ARHGEF26: variants seen among roughly 807,000 people sequenced by gnomAD.
ARHGEF26 encodes Rho guanine nucleotide exchange factor (GEF) 26.
Under a neutral mutation model 89.4 loss-of-function variants are expected in ARHGEF26, and 59 were observed. That is an observed-to-expected ratio of 0.66 (90% CI 0.54 to 0.82). The LOEUF is 0.82. Among genes scored for constraint, ARHGEF26 ranks in the 40% least tolerant of loss-of-function variants. ARHGEF26 has a pLI of 0.00. For synonymous variants in ARHGEF26, 500 were observed against 428.4 expected (o/e 1.17, Z -2.06); for missense variants, 1,234 against 1,085.6 (o/e 1.14, Z -1.92).
intron 6 of ARHGEF26, among the ~76,000 whole-genome samples, chr3:154,162,381 T>G (rs1415607134): frequency 2.6e-5 from 4 of 152,224 alleles, no homozygotes; most frequent in African/African-American, 9.6e-5. Flanking sequence ...TCATAGGATG[T>G]TGCCTCTAAT....
chr3:154,166,010 G>GTAC (rs1379520093), intron 6 of ARHGEF26, among the ~76,000 whole-genome samples: 1 of 152,036 alleles, frequency 6.6e-6, no homozygotes, highest in Admixed American at 6.6e-5. Context: ...AAATCTAGCT[G>GTAC]TACATGTTGC....
intron 6 of ARHGEF26, among the ~76,000 whole-genome samples, chr3:154,177,562 A>G (rs1485151032): frequency 6.6e-6 from 1 of 152,148 alleles, no homozygotes; most frequent in East Asian, 1.9e-4. Flanking sequence ...ACAAATACAA[A>G]GATGCTTAAC....
intron 6 of ARHGEF26, among the ~76,000 whole-genome samples, chr3:154,175,757 A>ATGTTT (rs974533012): frequency 8.3e-4 from 126 of 152,158 alleles, no homozygotes; most frequent in Non-Finnish European, 6.2e-4. Flanking sequence ...TTGGCACTGT[A>ATGTTT]TGTTTTGTTT....
chr3:154,158,677 G>C (rs1711508001), intron 6 of ARHGEF26, among the ~76,000 whole-genome samples: 1 of 152,040 alleles, frequency 6.6e-6, no homozygotes, highest in Non-Finnish European at 1.5e-5. Context: ...TTAAAAGCCT[G>C]ATCATCTCAT....
At position 154,122,421 on chromosome 3, in the gene ARHGEF26, T is replaced by G. The variant is rs1238970262; in HGVS notation, c.429T>G (p.Val143=). 5.6e-6 allele frequency: 9 copies of G among 1,611,048 alleles called. No homozygotes were observed. The highest frequency in any genetic ancestry group is 7.6e-6 in the Non-Finnish European group (9 of 1,179,022). ...TGCCTGCGCCGCCGCCGCCGCCGGT[T>G]CTGCGCCCCCCGCGGACTCCTAACG... ...VTLPAPPPPP[V]LRPPRTPNAP... Residue 143 remains valine (V), a synonymous_variant, in exon 2 of 15, where the codon GTT becomes GTG. Coordinates refer to ENST00000465093, the MANE Select transcript of ARHGEF26 (RefSeq NM_015595.4).
intron 9 of ARHGEF26, among the ~76,000 whole-genome samples, chr3:154,201,920 G>A (rs1198540076): frequency 7.3e-5 from 11 of 151,070 alleles, no homozygotes. Flanking sequence ...TGTCAGATGA[G>A]TAGGTTGCGA....
chr3:154,186,188 C>T (rs1713530244), intron 6 of ARHGEF26, among the ~76,000 whole-genome samples: 1 of 150,154 alleles, frequency 6.7e-6, no homozygotes, highest in Admixed American at 6.6e-5. Context: ...TACTATTGTA[C>T]AGTCAGTGTG....
At chr3:154,224,718 A>G (rs568691080) in intron 10 of ARHGEF26, among the ~76,000 whole-genome samples, 8 of 151,596 alleles carry the variant, frequency 5.3e-5, no homozygotes, top group Non-Finnish European at 8.8e-5. Context: ...AACTTCATAA[A>G]CTCCCTTAGC....
intron 4 of ARHGEF26, among the ~76,000 whole-genome samples, chr3:154,142,015 A>C (rs917971017): frequency 6.6e-6 from 1 of 152,186 alleles, no homozygotes; most frequent in African/African-American, 2.4e-5. Flanking sequence ...AGAAGACAAT[A>C]GAAATGAAAT....
At position 154,129,719 on chromosome 3, in the gene ARHGEF26, G is replaced by C. The variant is rs762803415; in HGVS notation, c.1269G>C (p.Ala423=). 6.2e-7 allele frequency: 1 copy of C among 1,609,304 alleles called. No homozygotes were observed. Among genetic ancestry groups the C allele is most frequent in the East Asian group, 2.2e-5 (1 of 44,828 alleles). ...GATCCACATGGAGCCAACTCTCTGC[G>C]GTGAGTGTTTATCTTCTTTTCTATC... The part of the protein sequence containing the change: ...PLRSTWSQLS[A]VKRKGLSQTV... Residue 423 remains alanine, a splice_region_variant and synonymous_variant, in exon 4 of 15, where the codon GCG becomes GCC. Coordinates refer to ENST00000465093, the MANE Select transcript of ARHGEF26 (RefSeq NM_015595.4).
At chr3:154,185,647 TA>T (rs1713479317) in intron 6 of ARHGEF26, among the ~76,000 whole-genome samples, 1 of 152,178 alleles carries the variant, frequency 6.6e-6, no homozygotes, top group African/African-American at 2.4e-5. Context: ...AGTTAAGGGT[TA>T]TTGTGGAGGC....
intron 12 of ARHGEF26, among the ~76,000 whole-genome samples, chr3:154,243,953 A>C (rs1359589039): frequency 6.6e-6 from 1 of 152,114 alleles, no homozygotes; most frequent in Non-Finnish European, 1.5e-5. Flanking sequence ...TTGAGCAATT[A>C]GAGTTTTGAT....
intron 6 of ARHGEF26, among the ~76,000 whole-genome samples, chr3:154,168,503 G>A (rs537534373): frequency 6.6e-6 from 1 of 152,220 alleles, no homozygotes; most frequent in East Asian, 1.9e-4. Flanking sequence ...CTTGAGCCCA[G>A]GAGGCAGAAG....
At chr3:154,242,943 CCT>C (rs1470778052) in intron 12 of ARHGEF26, among the ~76,000 whole-genome samples, 3 of 152,132 alleles carry the variant, frequency 2.0e-5, no homozygotes, top group Admixed American at 2.0e-4. Context: ...CAAGCATGCC[CCT>C]CTGTGTTTGC....
chr3:154,144,235 G>T (rs772810230), intron 4 of ARHGEF26, among the ~76,000 whole-genome samples: 1 of 152,192 alleles, frequency 6.6e-6, no homozygotes, highest in Non-Finnish European at 1.5e-5. Context: ...CTCAGGCTTT[G>T]GGGGTGGACA....
chr3:154,174,588 G>A (rs1712682093), intron 6 of ARHGEF26, among the ~76,000 whole-genome samples: 1 of 152,128 alleles, frequency 6.6e-6, no homozygotes, highest in Non-Finnish European at 1.5e-5. Context: ...AGGCATTGAG[G>A]AAATACAATT....
At chr3:154,233,459 C>T (rs114966269) in intron 11 of ARHGEF26, among the ~76,000 whole-genome samples, 1,639 of 152,240 alleles carry the variant, frequency 0.011, 22 homozygotes, top group African/African-American at 0.038. Context: ...TTGAAATCTA[C>T]AGAACACTTT....
intron 2 of ARHGEF26, among the ~76,000 whole-genome samples, chr3:154,123,412 T>C (rs1251555318): frequency 6.6e-6 from 1 of 152,190 alleles, no homozygotes; most frequent in Non-Finnish European, 1.5e-5. Flanking sequence ...GAGGAGCATG[T>C]TCAGAACCGC....
intron 6 of ARHGEF26, among the ~76,000 whole-genome samples, chr3:154,160,771 T>C (rs1403340356): frequency 6.6e-6 from 1 of 152,164 alleles, no homozygotes; most frequent in Non-Finnish European, 1.5e-5. Context: ...ATAAGTATGA[T>C]TAACTTAATT....
Sources: allele counts gnomAD v4.1 joint callset (sites outside exome capture counted in the v4.1 genomes callset), GRCh38; gene constraint gnomAD v4.1.1; transcripts MANE v1.5; gene names NCBI Gene and HGNC (gene_info 2026-07-23, HGNC 2026-07-21).